The following GALNTL6 variants were observed in gnomAD, a reference collection of about 807,000 sequenced individuals.
The protein encoded by GALNTL6 is polypeptide N-acetylgalactosaminyltransferase like 6, also known as polypeptide N-acetylgalactosaminyltransferase-like 6.
In GALNTL6, 46 loss-of-function variants were observed where a neutral mutation model predicts 73.7. The observed-to-expected ratio is 0.62, with a 90% CI of 0.49 to 0.80. The LOEUF (loss-of-function observed/expected upper bound fraction) is 0.80. Ranked by LOEUF, GALNTL6 falls within the 30% of genes least tolerant of loss-of-function variation. GALNTL6 has a pLI of 0.00. For missense variants in GALNTL6, 604 were observed against 755.0 expected (o/e 0.80, Z 2.34); for synonymous variants, 259 against 263.7 (o/e 0.98, Z 0.17).
At chr4:172,641,234 A>T (rs1739959410) in intron 5 of GALNTL6, among the ~76,000 whole-genome samples, 1 of 152,126 alleles carries the variant, frequency 6.6e-6, no homozygotes, top group South Asian at 2.1e-4. Context: ...CATTCTCAAA[A>T]CAGAACCCAT....
At chr4:173,005,524 A>C (rs1043533992) in intron 10 of GALNTL6, among the ~76,000 whole-genome samples, 1 of 7,430 alleles carries the variant, frequency 1.3e-4, no homozygotes, top group African/African-American at 1.5e-4. Flanking sequence ...TCTTGTCTAC[A>C]TTTAAAAAAA....
intron 5 of GALNTL6, among the ~76,000 whole-genome samples, chr4:172,487,332 T>G (rs1179695500): frequency 7.2e-6 from 1 of 138,296 alleles, no homozygotes; most frequent in African/African-American, 2.7e-5. Context: ...CTTTCTTTCT[T>G]TCTTTCTTTC....
At chr4:172,495,566 TG>T (rs1195772487) in intron 5 of GALNTL6, among the ~76,000 whole-genome samples, 1 of 152,190 alleles carries the variant, frequency 6.6e-6, no homozygotes, top group Non-Finnish European at 1.5e-5. Flanking sequence ...AATGGTGTCC[TG>T]TGTGATTGGT....
At chr4:172,419,091 G>T (rs772749232) in intron 5 of GALNTL6, among the ~76,000 whole-genome samples, 5 of 152,022 alleles carry the variant, frequency 3.3e-5, no homozygotes, top group Non-Finnish European at 5.9e-5. Context: ...ATGTATATTT[G>T]CACCTTTATA....
intron 3 of GALNTL6, among the ~76,000 whole-genome samples, chr4:172,244,089 G>A (rs1452240961): frequency 6.6e-6 from 1 of 152,066 alleles, no homozygotes; most frequent in East Asian, 1.9e-4. Context: ...ATCATAATGA[G>A]ATTTGTTGGG....
chr4:172,542,198 CTTA>C (rs933137181), intron 5 of GALNTL6, among the ~76,000 whole-genome samples: 2 of 151,852 alleles, frequency 1.3e-5, no homozygotes, highest in African/African-American at 4.8e-5. Context: ...GAGGCGGTGT[CTTA>C]TTTAAGTAGA....
At chr4:173,029,472 A>G (rs1211623431) in intron 12 of GALNTL6, among the ~76,000 whole-genome samples, 2 of 152,242 alleles carry the variant, frequency 1.3e-5, no homozygotes, top group Admixed American at 6.5e-5. Flanking sequence ...AGATAGTCTT[A>G]GAGAGTAACA....
chr4:172,931,328 C>A, intron 9 of GALNTL6, 60 bp downstream of exon 9: 1 of 937,370 alleles, frequency 1.1e-6, no homozygotes, highest in Non-Finnish European at 1.8e-6. Context: ...ACCAGAGTAA[C>A]CAACCTTGCC....
At chr4:172,310,421 C>T (rs1740312796) in intron 3 of GALNTL6, among the ~76,000 whole-genome samples, 1 of 152,018 alleles carries the variant, frequency 6.6e-6, no homozygotes, top group Admixed American at 6.6e-5. Context: ...CAGGTGTGTG[C>T]CACCACGCCT....
chr4:172,761,785 C>T (rs1738120898), intron 5 of GALNTL6, among the ~76,000 whole-genome samples: 1 of 151,974 alleles, frequency 6.6e-6, no homozygotes, highest in South Asian at 2.1e-4. Context: ...GCCTCCTAGT[C>T]ATGCTTCCTG....
intron 5 of GALNTL6, among the ~76,000 whole-genome samples, chr4:172,599,507 T>C (rs1379552902): frequency 6.6e-6 from 1 of 152,220 alleles, no homozygotes; most frequent in Non-Finnish European, 1.5e-5. Context: ...CCACTGGTTC[T>C]AATAATCTAA....
At chr4:173,004,326 A>G (rs572941887) in intron 10 of GALNTL6, among the ~76,000 whole-genome samples, 1 of 152,334 alleles carries the variant, frequency 6.6e-6, no homozygotes, top group South Asian at 2.1e-4. Flanking sequence ...TTTGCATTCT[A>G]AAATCAACTA....
intron 8 of GALNTL6, among the ~76,000 whole-genome samples, chr4:172,914,685 A>C (rs983885752): frequency 6.6e-6 from 1 of 152,258 alleles, no homozygotes; most frequent in African/African-American, 2.4e-5. Flanking sequence ...GATCAATTCA[A>C]CAAGAAGAGC....
intron 2 of GALNTL6, among the ~76,000 whole-genome samples, chr4:172,201,513 T>TG (rs1390344845): frequency 6.6e-6 from 1 of 151,052 alleles, no homozygotes; most frequent in Admixed American, 6.6e-5. Flanking sequence ...ACTAGTTTTT[T>TG]TTTTTTGTTT....
chr4:172,593,183 C>T (rs1474109501), intron 5 of GALNTL6, among the ~76,000 whole-genome samples: 2 of 152,182 alleles, frequency 1.3e-5, no homozygotes, highest in Non-Finnish European at 2.9e-5. Flanking sequence ...ATTATCTCAA[C>T]TTGGATCATT....
chr4:172,750,906 G>C (rs772547739), intron 5 of GALNTL6, among the ~76,000 whole-genome samples: 6 of 151,772 alleles, frequency 4.0e-5, no homozygotes, highest in Non-Finnish European at 5.9e-5. Context: ...CATTCTTTTA[G>C]TTGACTCTGG....
In GALNTL6 at chr4:171,863,741, A is replaced by AC. The variant is rs1735898952; in HGVS notation, c.138+49025dup. On this transcript the variant is annotated intron_variant, in intron 2 of 12. Transcript: ENST00000506823. ...AGTGCATGCATTAAATAATGATAAT[A>AC]CCTGAGGAGAAAAGGAACACTTTTT... is the stretch of plus-strand genomic sequence containing the variant. Among the ~76,000 whole-genome samples the AC allele has an allele frequency of 2.0e-5, 3 of 151,884 alleles. No homozygotes were observed. The South Asian group carries it at 6.2e-4, about 31-fold the overall frequency.
intron 7 of GALNTL6, among the ~76,000 whole-genome samples, chr4:172,829,378 T>C (rs966405392): frequency 2.6e-5 from 4 of 152,202 alleles, no homozygotes; most frequent in African/African-American, 9.7e-5. Flanking sequence ...GCTATATCTT[T>C]CTTTCTACCC....
chr4:172,601,767 G>A (rs985369984), intron 5 of GALNTL6, among the ~76,000 whole-genome samples: 2 of 149,204 alleles, frequency 1.3e-5, no homozygotes, highest in Non-Finnish European at 3.0e-5. Flanking sequence ...AGTCTAATAC[G>A]CTTATAGAGT....
Sources: gnomAD v4.1 joint callset for allele counts (sites outside exome capture counted in the v4.1 genomes callset) on GRCh38, gnomAD v4.1.1 for gene constraint, MANE v1.5 for transcripts, NCBI Gene and HGNC (gene_info 2026-07-23, HGNC 2026-07-21) for gene names.